Variants in FBN1 observed in about 807,000 individuals in gnomAD.
FBN1 encodes fibrillin 1, also known as fibrillin-1.
Under a neutral mutation model 365.1 loss-of-function variants are expected in FBN1, and 29 were observed. The observed-to-expected ratio is 0.08, with a 90% CI of 0.06 to 0.11. The LOEUF is 0.11. Among genes scored for constraint, FBN1 ranks in the 10% least tolerant of loss-of-function variants. The pLI, the probability that FBN1 is intolerant of heterozygous loss-of-function variation, is 1.00. For missense variants in FBN1, 2,476 were observed against 3,703.2 expected (o/e 0.67, Z 8.60); for synonymous variants, 1,210 against 1,270.5 (o/e 0.95, Z 1.01).
chr15:48,473,676 G>A (rs1311654580), intron 34 of FBN1, among the ~76,000 whole-genome samples: 1 of 152,126 alleles, frequency 6.6e-6, no homozygotes, highest in Non-Finnish European at 1.5e-5. Flanking sequence ...TGATGATGAT[G>A]ATGGCCTGTT....
At chr15:48,456,873 C>A (rs62011394) in intron 43 of FBN1, 111 bp from the exon 44 acceptor site, 3 of 396,496 alleles carry the variant, frequency 7.6e-6, no homozygotes, top group African/African-American at 6.1e-5. Context: ...TGTGTGTGTG[C>A]GTGCATGTGT....
chr15:48,607,473 G>A (rs550890819), intron 4 of FBN1, among the ~76,000 whole-genome samples: 68 of 151,000 alleles, frequency 4.5e-4, no homozygotes, highest in African/African-American at 1.6e-3. Flanking sequence ...GGGGCCTTTG[G>A]GGAGGTGATT....
chr15:48,615,290 T>C (rs1889630279), intron 2 of FBN1, among the ~76,000 whole-genome samples: 1 of 152,148 alleles, frequency 6.6e-6, no homozygotes, highest in Admixed American at 6.5e-5. Flanking sequence ...TTATTTTTTT[T>C]TTTTACTACA....
intron 47 of FBN1, 111 bp from the exon 48 acceptor site, chr15:48,445,615 T>C: frequency 8.1e-7 from 1 of 1,239,956 alleles, no homozygotes; most frequent in Non-Finnish European, 1.2e-6. Context: ...TAGTGGCCTT[T>C]GCTGGCTTAG....
At chr15:48,447,744 C>T (rs1002392294) in intron 46 of FBN1, among the ~76,000 whole-genome samples, 1 of 152,118 alleles carries the variant, frequency 6.6e-6, no homozygotes, top group Admixed American at 6.5e-5. Flanking sequence ...TTTCTTTTCA[C>T]ATTTTGGACA....
intron 38 of FBN1, among the ~76,000 whole-genome samples, chr15:48,467,618 T>A (rs1424640100): frequency 6.6e-6 from 1 of 152,146 alleles, no homozygotes; most frequent in Non-Finnish European, 1.5e-5. Context: ...AGTCAATAGA[T>A]GAGAAGAGGA....
intron 47 of FBN1, 94 bp from the exon 48 acceptor site, chr15:48,445,598 T>C: frequency 7.2e-7 from 1 of 1,391,402 alleles, no homozygotes; most frequent in Non-Finnish European, 1.0e-6. Flanking sequence ...ATACTTTTTC[T>C]GAATTTTAGT....
chr15:48,415,713 G>T lies in FBN1; in HGVS notation c.7874C>A (p.Thr2625Asn). Residue 2625 changes from threonine to asparagine, a missense_variant, in exon 64 of 66, where the codon ACC becomes AAC. Coordinates refer to ENST00000316623, the MANE Select transcript of FBN1 (RefSeq NM_000138.5). ...ACACATGCACTTGTAGCTCCCCAGG[G>T]TGTTGTGACAGGAGGCTCCTCCGCA... Reference protein sequence around the residue: ...HICGGASCHNTLGSYKCMCPA... With the variant: ...HICGGASCHNNLGSYKCMCPA... 6 of 1,614,246 alleles carry T rather than the reference G, an allele frequency of 3.7e-6. No homozygotes were observed. Among genetic ancestry groups the T allele is most frequent in the Non-Finnish European group, 5.1e-6 (6 of 1,180,042 alleles).
In FBN1 at chr15:48,415,637, A is replaced by G. The variant is rs143055643; in HGVS notation, c.7950T>C (p.Asn2650=). Reference sequence around the variant, plus strand: ...AGGGGGCCTGCGCAGAGCCACATTCATTGATGTCTTGGCATCCTCCACTGA... The same window carrying G: ...AGGGGGCCTGCGCAGAGCCACATTCGTTGATGTCTTGGCATCCTCCACTGA... ...EQFSGGCQDI[N]ECGSAQAPCS... Residue 2650 remains asparagine (N), a synonymous_variant, in exon 64 of 66, where the codon AAT becomes AAC. Transcript: ENST00000316623. The G allele has an allele frequency of 1.7e-4, 279 of 1,614,226 alleles. 1 individual carries two copies. The African/African-American group carries it at 3.3e-3, about 19-fold the overall frequency.
At chr15:48,599,829 T>C (rs2140717519) in intron 5 of FBN1, among the ~76,000 whole-genome samples, 1 of 152,334 alleles carries the variant, frequency 6.6e-6, no homozygotes, top group Non-Finnish European at 1.5e-5. Context: ...GTGGAAGGTA[T>C]GTGTCTGGAA....
chr15:48,423,808 G>A (rs1040011675), intron 60 of FBN1, among the ~76,000 whole-genome samples: 2 of 152,140 alleles, frequency 1.3e-5, no homozygotes, highest in Non-Finnish European at 1.5e-5. Flanking sequence ...CCAAGTAAGT[G>A]GAAGAATTTG....
intron 4 of FBN1, among the ~76,000 whole-genome samples, chr15:48,603,116 G>A (rs572200741): frequency 6.6e-6 from 1 of 152,230 alleles, no homozygotes; most frequent in Non-Finnish European, 1.5e-5. Context: ...GGCAAGAATG[G>A]TAAGTTTACA....
rs139946358 is a variant in FBN1, at chr15:48,560,498, T to C, written c.539-22690A>G. On this transcript the variant is annotated intron_variant, in intron 6 of 65. Coordinates refer to ENST00000316623, the MANE Select transcript of FBN1 (RefSeq NM_000138.5). Reference sequence around the variant, plus strand: ...TAGGAGAGGATGAGAGAGTCAAATGTTATTCTCTGAGGTTTGGGATTCCCC... The same window carrying C: ...TAGGAGAGGATGAGAGAGTCAAATGCTATTCTCTGAGGTTTGGGATTCCCC... Among the ~76,000 whole-genome samples the C allele has an allele frequency of 4.7e-4, 72 of 152,262 alleles. 1 individual carries two copies. Among genetic ancestry groups the C allele is most frequent in the African/African-American group, 1.6e-3 (65 of 41,552 alleles).
chr15:48,461,107 C>T (rs1026144355), intron 42 of FBN1, among the ~76,000 whole-genome samples: 2 of 152,124 alleles, frequency 1.3e-5, no homozygotes, highest in African/African-American at 4.8e-5. Context: ...AATCAAAATA[C>T]AGCATGTTAT....
chr15:48,450,362 G>A (rs2043191714), intron 45 of FBN1, among the ~76,000 whole-genome samples: 1 of 152,128 alleles, frequency 6.6e-6, no homozygotes, highest in Non-Finnish European at 1.5e-5. Flanking sequence ...TTCATCTACT[G>A]CCCTATTTCA....
intron 8 of FBN1, among the ~76,000 whole-genome samples, chr15:48,532,586 T>C (rs949585938): frequency 1.3e-5 from 2 of 151,940 alleles, no homozygotes; most frequent in African/African-American, 4.8e-5. Flanking sequence ...CAATGTAATA[T>C]GGCTCAGCAA....
chr15:48,540,411 T>A (rs1371802866), intron 6 of FBN1, among the ~76,000 whole-genome samples: 1 of 152,210 alleles, frequency 6.6e-6, no homozygotes, highest in Non-Finnish European at 1.5e-5. Flanking sequence ...TGAATCCTGC[T>A]GGATTTTCTT....
At chr15:48,577,703 C>T (rs2044359673) in intron 6 of FBN1, among the ~76,000 whole-genome samples, 3 of 152,122 alleles carry the variant, frequency 2.0e-5, no homozygotes, top group African/African-American at 7.2e-5. Context: ...TTTCTTTAGT[C>T]AATGGCTTGT....
Position 48,488,437 on chromosome 15 carries a change from T to C in FBN1, c.3139A>G (p.Thr1047Ala). 6.2e-7 allele frequency: 1 copy of C among 1,614,206 alleles called. No homozygotes were observed. Among genetic ancestry groups the C allele is most frequent in the Non-Finnish European group, 8.5e-7 (1 of 1,180,030 alleles). Reference protein sequence around the residue: ...SLCTHGKCRNTIGSFKCRCDS... With the variant: ...SLCTHGKCRNAIGSFKCRCDS... ...CACCTGCACTTAAAGCTGCCAATGGTGTTTCTGCACTTGCCGTGGGTGCAG... is the reference window on the plus strand; with the variant it reads ...CACCTGCACTTAAAGCTGCCAATGGCGTTTCTGCACTTGCCGTGGGTGCAG... Residue 1047 changes from threonine (T) to alanine (A), a missense_variant, in exon 26 of 66, where the codon ACC becomes GCC. Thr to Ala is a moderately conservative substitution (Grantham distance 58). This residue lies in a region of FBN1 where 1,780 missense variants were observed against 2,840.8 expected (regional missense o/e 0.63). Coordinates refer to ENST00000316623, the MANE Select transcript of FBN1 (RefSeq NM_000138.5).
Sources: allele counts gnomAD v4.1 joint callset (sites outside exome capture counted in the v4.1 genomes callset), GRCh38; gene constraint gnomAD v4.1.1; regional missense constraint gnomAD v4.1.1; transcripts MANE v1.5; gene names NCBI Gene and HGNC (gene_info 2026-07-23, HGNC 2026-07-21).